The following RASA2 variants were observed in gnomAD, a reference collection of about 807,000 sequenced individuals.
The protein encoded by RASA2 is ras GTPase-activating protein 2.
Under a neutral mutation model 118.2 loss-of-function variants are expected in RASA2, and 155 were observed. The observed-to-expected ratio is 1.31, with a 90% CI of 1.15 to 1.50. The LOEUF (loss-of-function observed/expected upper bound fraction) is 1.50. Among genes scored for constraint, RASA2 ranks in the 40% most tolerant of loss-of-function variants. The probability of loss-of-function intolerance (pLI) is 0.00; values close to 1 mark genes in which losing one functional copy is unlikely to be tolerated. For synonymous variants in RASA2, 353 were observed against 349.1 expected (o/e 1.01, Z -0.12); for missense variants, 1,016 against 1,009.6 (o/e 1.01, Z -0.09).
At chr3:141,488,848 C>G (rs924317408) in intron 1 of RASA2, among the ~76,000 whole-genome samples, 41 of 152,116 alleles carry the variant, frequency 2.7e-4, no homozygotes, top group African/African-American at 9.4e-4. Flanking sequence ...CCACTTGATG[C>G]TAGGCATTGT....
chr3:141,609,807 A>G (rs1246730508), intron 22 of RASA2, 70 bp from the exon 23 acceptor site: 2 of 1,375,188 alleles, frequency 1.5e-6, no homozygotes, highest in Non-Finnish European at 1.9e-6. Flanking sequence ...AAAAATTCTT[A>G]TTTGTACTAC....
chr3:141,527,724 T>C (rs1414356743), intron 3 of RASA2, among the ~76,000 whole-genome samples: 1 of 151,816 alleles, frequency 6.6e-6, no homozygotes, highest in East Asian at 1.9e-4. Context: ...AGATAAAACA[T>C]ATCCAGAGAT....
chr3:141,539,249 T>A (rs2082372845), intron 4 of RASA2, among the ~76,000 whole-genome samples: 2 of 152,208 alleles, frequency 1.3e-5, no homozygotes, highest in African/African-American at 4.8e-5. Context: ...ATTTTATGAA[T>A]ATTTGTGCCT....
intron 19 of RASA2, among the ~76,000 whole-genome samples, chr3:141,596,701 T>C (rs1326724574): frequency 6.6e-6 from 1 of 152,172 alleles, no homozygotes; most frequent in Non-Finnish European, 1.5e-5. Flanking sequence ...GAAAAGATGC[T>C]CAACATCATT....
intron 17 of RASA2, among the ~76,000 whole-genome samples, chr3:141,584,286 G>A (rs2083162889): frequency 7.6e-6 from 1 of 131,756 alleles, no homozygotes; most frequent in South Asian, 2.4e-4. Flanking sequence ...AGCCGAGATC[G>A]CACCATTGCG....
intron 8 of RASA2, among the ~76,000 whole-genome samples, chr3:141,559,307 T>A (rs890456874): frequency 6.6e-6 from 1 of 152,118 alleles, no homozygotes; most frequent in Non-Finnish European, 1.5e-5. Context: ...AATTTTTTTT[T>A]ATTCTTCTTA....
chr3:141,567,207 G>A (rs1272962070), intron 9 of RASA2, among the ~76,000 whole-genome samples: 4 of 152,210 alleles, frequency 2.6e-5, no homozygotes, highest in African/African-American at 9.6e-5. Flanking sequence ...CCTGAGGTCA[G>A]GAGTTCAAGA....
chr3:141,528,780 C>T, intron 3 of RASA2, among the ~76,000 whole-genome samples: 1 of 151,714 alleles, frequency 6.6e-6, no homozygotes, highest in Non-Finnish European at 1.5e-5. Flanking sequence ...TTAAAGTTTT[C>T]AAATGTTGAA....
rs747532940 is a variant in RASA2, at chr3:141,574,018, G to A, written c.1434G>A (p.Met478Ile). 18 of 1,592,114 alleles carry A rather than the reference G, an allele frequency of 1.1e-5. No individual in the cohort carries two copies. Among genetic ancestry groups the A allele is most frequent in the Non-Finnish European group, 1.5e-5 (18 of 1,164,792 alleles). The change falls in exon 14 of 24, where the codon ATG becomes ATA. Residue 478 changes from methionine to isoleucine, a missense_variant. Met to Ile is a conservative substitution (Grantham distance 10, BLOSUM62 1). Transcript: ENST00000286364. Reference protein sequence around the residue: ...VKSSMSCPTVMCDIFYSLRQM... With the variant: ...VKSSMSCPTVICDIFYSLRQM... Reference sequence around the variant, plus strand: ...CAAGTATGAGCTGCCCCACTGTAATGTGTGATATCTTTTATTCTCTAAGGC... The same window carrying A: ...CAAGTATGAGCTGCCCCACTGTAATATGTGATATCTTTTATTCTCTAAGGC...
intron 19 of RASA2, among the ~76,000 whole-genome samples, chr3:141,599,219 A>T (rs2083424254): frequency 6.7e-6 from 1 of 149,032 alleles, no homozygotes; most frequent in Non-Finnish European, 1.5e-5. Context: ...TGGATTGAAG[A>T]TTGAGTTTCT....
intron 5 of RASA2, among the ~76,000 whole-genome samples, chr3:141,549,478 T>TGTGC (rs1418704310): frequency 3.0e-5 from 4 of 133,696 alleles, no homozygotes; most frequent in East Asian, 2.2e-4. Context: ...TATGAGTGTG[T>TGTGC]GTGTGCGTGT....
At chr3:141,590,096 A>T (rs903176819) in intron 19 of RASA2, 12 of 455,238 alleles carry the variant, frequency 2.6e-5, no homozygotes, top group Middle Eastern at 6.8e-4. Flanking sequence ...ATTTTTCCAA[A>T]ATATATTACA....
chr3:141,497,248 C>T (rs1057456889), intron 1 of RASA2, among the ~76,000 whole-genome samples: 1 of 150,148 alleles, frequency 6.7e-6, no homozygotes, highest in Admixed American at 6.6e-5. Flanking sequence ...GTGCAGCACA[C>T]CAATATGGCA....
intron 3 of RASA2, among the ~76,000 whole-genome samples, chr3:141,516,677 T>C (rs2082031529): frequency 6.6e-6 from 1 of 152,206 alleles, no homozygotes; most frequent in East Asian, 1.9e-4. Flanking sequence ...TTCCTGATGG[T>C]TCCCTTTCCA....
intron 15 of RASA2, among the ~76,000 whole-genome samples, chr3:141,578,162 C>A (rs889796029): frequency 2.0e-5 from 3 of 152,226 alleles, no homozygotes; most frequent in African/African-American, 7.2e-5. Context: ...TTATCATCCA[C>A]ATGTGCAGAT....
intron 5 of RASA2, among the ~76,000 whole-genome samples, chr3:141,541,201 A>G (rs971140493): frequency 3.3e-5 from 5 of 152,046 alleles, no homozygotes; most frequent in South Asian, 2.1e-4. Context: ...CTATTTTTGC[A>G]TTAGTTGACA....
intron 19 of RASA2, among the ~76,000 whole-genome samples, chr3:141,588,841 A>AT (rs2083245164): frequency 6.7e-6 from 1 of 149,916 alleles, no homozygotes; most frequent in African/African-American, 2.5e-5. Flanking sequence ...ATAGCTTTTT[A>AT]TTTTTATTTT....
Position 141,608,832 on chromosome 3 carries a change from C to T in RASA2, c.2225+135C>T, listed in dbSNP as rs1308894248. The T allele has an allele frequency of 4.1e-6, 4 of 974,752 alleles. No individual in the cohort carries two copies. The East Asian group carries it at 1.0e-4, about 25-fold the overall frequency. 60.4% of individuals were successfully genotyped at this position (974,752 alleles called of 1,614,324 possible). ...AAGGATGGGACCTTGAAAAATTATG[C>T]TAAGTGAAAGAAGTCAATCATAAAG... is the stretch of plus-strand genomic sequence containing the variant. On this transcript the variant is annotated intron_variant, in intron 21 of 23. Coordinates refer to ENST00000286364, the MANE Select transcript of RASA2 (RefSeq NM_006506.5).
intron 13 of RASA2, 75 bp from the exon 14 acceptor site, chr3:141,573,868 AC>A (rs1477718053): frequency 3.2e-6 from 4 of 1,265,642 alleles, no homozygotes; most frequent in Non-Finnish European, 4.2e-6. Context: ...TCATTTTCTT[AC>A]ATTTTTCTTT....
Sources: allele counts gnomAD v4.1 joint callset (sites outside exome capture counted in the v4.1 genomes callset), GRCh38; gene constraint gnomAD v4.1.1; transcripts MANE v1.5; gene names NCBI Gene and HGNC (gene_info 2026-07-23, HGNC 2026-07-21).